The following PRDM16 variants were observed in gnomAD, a reference collection of about 807,000 sequenced individuals.
PRDM16 encodes histone-lysine N-methyltransferase PRDM16.
Under a neutral mutation model 110.6 loss-of-function variants are expected in PRDM16, and 23 were observed. The observed-to-expected ratio is 0.21, with a 90% CI of 0.15 to 0.29. PRDM16 has a LOEUF of 0.29. Among genes scored for constraint, PRDM16 ranks in the 10% least tolerant of loss-of-function variants. The pLI is 1.00. For missense variants in PRDM16, 1,615 were observed against 1,794.3 expected, an observed-to-expected ratio of 0.90 and a Z score of 1.81; for synonymous variants, 799 against 781.8, an observed-to-expected ratio of 1.02 and a Z score of -0.37.
chr1:3,071,294 G>T (rs531745687), intron 1 of PRDM16, among the ~76,000 whole-genome samples: 64 of 152,384 alleles, frequency 4.2e-4, no homozygotes, highest in African/African-American at 1.5e-3. Context: ...AGGTGGCCCG[G>T]GACCGGGTCC....
At chr1:3,228,740 CCT>C (rs1639345444) in intron 2 of PRDM16, among the ~76,000 whole-genome samples, 1 of 152,174 alleles carries the variant, frequency 6.6e-6, no homozygotes, top group African/African-American at 2.4e-5. Flanking sequence ...CAGGTGAGAC[CCT>C]CTGTCATCCC....
At chr1:3,252,155 C>T (rs537790870) in intron 3 of PRDM16, among the ~76,000 whole-genome samples, 2 of 152,330 alleles carry the variant, frequency 1.3e-5, no homozygotes, top group East Asian at 3.9e-4. Flanking sequence ...TCATGCTGTG[C>T]CCCCCTCTTC....
intron 3 of PRDM16, among the ~76,000 whole-genome samples, chr1:3,371,918 G>A (rs756122392): frequency 2.0e-5 from 3 of 152,244 alleles, no homozygotes; most frequent in Non-Finnish European, 2.9e-5. Flanking sequence ...AGCATCCAAT[G>A]ACTCAGTGGT....
At chr1:3,413,032 G>A (rs1643720184) in intron 9 of PRDM16, among the ~76,000 whole-genome samples, 1 of 152,172 alleles carries the variant, frequency 6.6e-6, no homozygotes, top group Non-Finnish European at 1.5e-5. Flanking sequence ...TGGGAGGCCA[G>A]GACGGGTGCT....
intron 8 of PRDM16, among the ~76,000 whole-genome samples, chr1:3,409,157 G>T (rs116100137): frequency 0.048 from 6,943 of 144,154 alleles, 281 homozygotes; most frequent in African/African-American, 0.13. Context: ...GGGTGTGTGT[G>T]AGTGAGTGTG....
At chr1:3,257,501 A>G (rs1000219991) in intron 3 of PRDM16, among the ~76,000 whole-genome samples, 5 of 152,184 alleles carry the variant, frequency 3.3e-5, no homozygotes, top group Non-Finnish European at 7.3e-5. Context: ...TGGGCTTAGG[A>G]AAAAAATAAA....
chr1:3,191,562 A>C (rs868139079), intron 2 of PRDM16, among the ~76,000 whole-genome samples: 3 of 152,230 alleles, frequency 2.0e-5, no homozygotes, highest in Admixed American at 6.5e-5. Flanking sequence ...GTAATATGGA[A>C]TTTTATCCAA....
intron 5 of PRDM16, among the ~76,000 whole-genome samples, chr1:3,400,503 A>G (rs893349486): frequency 2.6e-5 from 4 of 152,126 alleles, no homozygotes; most frequent in Non-Finnish European, 4.4e-5. Flanking sequence ...ACCCTGTCCA[A>G]GGATCCCTCC....
In PRDM16 at chr1:3,073,131, C is replaced by T. The variant is rs545283200; in HGVS notation, c.37+3835C>T. 4.5e-3 allele frequency among the ~76,000 whole-genome samples: 686 copies of T among 152,340 alleles called. 15 individuals are homozygous for T. Among genetic ancestry groups the T allele is most frequent in the Non-Finnish European group, 3.4e-3 (232 of 68,028 alleles). ...CCCGAGGCTTCCTCGGCTCCCAAGT[C>T]CTCCTGTAGGCAGTGCGCAGGGCAG... On this transcript the variant is annotated intron_variant, in intron 1 of 16. Coordinates refer to ENST00000270722, the MANE Select transcript of PRDM16 (RefSeq NM_022114.4).
rs1038534229 is a variant in PRDM16, at chr1:3,157,845, C to T, written c.38-28280C>T. On this transcript the variant is annotated intron_variant, in intron 1 of 16. Transcript: ENST00000270722. This position sits in a 1 kb window ranked among gnomAD's most constrained non-coding sequence, Gnocchi z 4.8. ...CGAGGCCATCTGGCCTCCCCCAGCACCGCCGGGCTGGATGCTTTAGCCCCA... is the reference window on the plus strand; with the variant it reads ...CGAGGCCATCTGGCCTCCCCCAGCATCGCCGGGCTGGATGCTTTAGCCCCA... Among the ~76,000 whole-genome samples the T allele has an allele frequency of 6.6e-6, 1 of 152,196 alleles. No homozygotes were observed. Among genetic ancestry groups the T allele is most frequent in the Non-Finnish European group, 1.5e-5 (1 of 68,038 alleles).
chr1:3,174,824 C>T (rs888696923), intron 1 of PRDM16, among the ~76,000 whole-genome samples: 1 of 152,204 alleles, frequency 6.6e-6, no homozygotes, highest in Non-Finnish European at 1.5e-5. Context: ...TGGGGTTCAA[C>T]GTTCCCCAGT....
intron 1 of PRDM16, among the ~76,000 whole-genome samples, chr1:3,181,635 C>T (rs1414526016): frequency 1.4e-5 from 2 of 140,768 alleles, no homozygotes. Flanking sequence ...CACATGCAGT[C>T]TTACACACGG....
At chr1:3,419,251 G>A (rs964377155) in intron 12 of PRDM16, among the ~76,000 whole-genome samples, 1 of 152,222 alleles carries the variant, frequency 6.6e-6, no homozygotes, top group African/African-American at 2.4e-5. Context: ...GCCCACTGAG[G>A]GATTCCACGG....
chr1:3,075,813 T>G (rs979192136), intron 1 of PRDM16, among the ~76,000 whole-genome samples: 1 of 152,234 alleles, frequency 6.6e-6, no homozygotes, highest in African/African-American at 2.4e-5. Flanking sequence ...TTTTTCATTC[T>G]GGCCTGAACC....
chr1:3,423,394 G>A (rs1485345916), intron 12 of PRDM16, among the ~76,000 whole-genome samples: 1 of 152,182 alleles, frequency 6.6e-6, no homozygotes, highest in East Asian at 1.9e-4. Flanking sequence ...GCCTTGGGGA[G>A]GCCCCTGCGG....
chr1:3,300,590 T>A (rs749158708), intron 3 of PRDM16, among the ~76,000 whole-genome samples: 1 of 152,242 alleles, frequency 6.6e-6, no homozygotes, highest in Non-Finnish European at 1.5e-5. Flanking sequence ...AATTCTTCGT[T>A]CCCTGGAGCC....
At chr1:3,360,531 A>T (rs1642693103) in intron 3 of PRDM16, among the ~76,000 whole-genome samples, 1 of 152,134 alleles carries the variant, frequency 6.6e-6, no homozygotes, top group African/African-American at 2.4e-5. Context: ...TGTGGCGTAG[A>T]TGCTGGGAAG....
chr1:3,336,500 CTG>C (rs1017644738), intron 3 of PRDM16, among the ~76,000 whole-genome samples: 100 of 149,972 alleles, frequency 6.7e-4, no homozygotes, highest in African/African-American at 2.2e-3. Context: ...TGGTGTGAGA[CTG>C]AGCGTATTCA....
chr1:3,318,906 C>T (rs376892632), intron 3 of PRDM16, among the ~76,000 whole-genome samples: 37 of 152,286 alleles, frequency 2.4e-4, no homozygotes, highest in Admixed American at 8.5e-4. Context: ...CTAGGAAAAG[C>T]GCAACTGTGA....
Sources: gnomAD v4.1 joint callset for allele counts (sites outside exome capture counted in the v4.1 genomes callset) on GRCh38, gnomAD v4.1.1 for gene constraint, Gnocchi (gnomAD v3.1) non-coding constraint, MANE v1.5 for transcripts, NCBI Gene and HGNC (gene_info 2026-07-23, HGNC 2026-07-21) for gene names.